Variants in TMEM132B observed in about 807,000 individuals in gnomAD.
TMEM132B encodes the protein transmembrane protein 132B.
Under a neutral mutation model 90.8 loss-of-function variants are expected in TMEM132B, and 18 were observed. That is an observed-to-expected ratio of 0.20 (90% CI 0.14 to 0.29). TMEM132B has a LOEUF of 0.29. Among genes scored for constraint, TMEM132B ranks in the 10% least tolerant of loss-of-function variants. The pLI is 1.00. For synonymous variants in TMEM132B, 504 were observed against 523.3 expected (o/e 0.96, Z 0.50); for missense variants, 1,096 against 1,326.8 (o/e 0.83, Z 2.70).
intron 1 of TMEM132B, among the ~76,000 whole-genome samples, chr12:125,258,092 T>C (rs1874481105): frequency 2.0e-5 from 3 of 152,226 alleles, no homozygotes; most frequent in Admixed American, 2.0e-4. Flanking sequence ...GTTCAGGAAA[T>C]ATTTACAGGG....
chr12:125,306,967 C>T (rs190993805), intron 1 of TMEM132B, among the ~76,000 whole-genome samples: 47 of 152,364 alleles, frequency 3.1e-4, no homozygotes, highest in African/African-American at 1.1e-3. Context: ...TGGGCATGCT[C>T]CTGCCACAGG....
Position 125,654,712 on chromosome 12 carries a change from C to T in TMEM132B, c.*2C>T. ...GAAAGTCTGCAAGACCAGATGTAAA[C>T]TCCTTTCTTATGTTTGTATTCACCT... is the stretch of plus-strand genomic sequence containing the variant. On this transcript the variant is annotated 3_prime_UTR_variant, in exon 9 of 9. Coordinates refer to ENST00000682704, the MANE Select transcript of TMEM132B (RefSeq NM_001366854.1). The surrounding 1 kb of genome is among the most constrained non-coding windows in gnomAD (Gnocchi z 5.8). 3.1e-6 allele frequency: 5 copies of T among 1,608,700 alleles called. No individual in the cohort carries two copies. The highest frequency in any genetic ancestry group is 4.2e-6 in the Non-Finnish European group (5 of 1,177,090).
intron 2 of TMEM132B, among the ~76,000 whole-genome samples, chr12:125,380,550 C>T (rs1878648752): frequency 6.6e-6 from 1 of 152,200 alleles, no homozygotes. Flanking sequence ...ATTCCAAGCA[C>T]GTCATTGGAG....
At chr12:125,343,708 A>G (rs559343180) in intron 1 of TMEM132B, among the ~76,000 whole-genome samples, 1 of 152,322 alleles carries the variant, frequency 6.6e-6, no homozygotes, top group South Asian at 2.1e-4. Context: ...ATGACTGGTA[A>G]ATATGCCTAG....
At chr12:125,188,598 G>A (rs574425905) in intron 1 of TMEM132B, among the ~76,000 whole-genome samples, 33 of 139,894 alleles carry the variant, frequency 2.4e-4, no homozygotes, top group African/African-American at 8.7e-4. Context: ...CCTGGCTCTG[G>A]AAGGCCCCAT....
In TMEM132B at chr12:125,460,617, C is replaced by T. The variant is rs1881412166; in HGVS notation, c.1106+44940C>T. 6.6e-6 allele frequency among the ~76,000 whole-genome samples: 1 copy of T among 152,248 alleles called. No individual in the cohort carries two copies. Among genetic ancestry groups the T allele is most frequent in the Admixed American group, 6.5e-5 (1 of 15,288 alleles). On this transcript the variant is annotated intron_variant, in intron 3 of 8. Transcript: ENST00000682704. The surrounding 1 kb of genome is among the most constrained non-coding windows in gnomAD (Gnocchi z 4.4). ...TTCACTCTTCAACAGTACTGCTCAA[C>T]CGTTTGAGTATCTGCGGCCTTTTCA... is the stretch of plus-strand genomic sequence containing the variant.
At chr12:125,298,879 GC>G (rs1437615893) in intron 1 of TMEM132B, among the ~76,000 whole-genome samples, 4 of 150,844 alleles carry the variant, frequency 2.7e-5, no homozygotes, top group Non-Finnish European at 5.9e-5. Flanking sequence ...GACTACAGGC[GC>G]CCGCCACCAC....
chr12:125,438,535 T>C (rs1880766859), intron 3 of TMEM132B, among the ~76,000 whole-genome samples: 1 of 152,238 alleles, frequency 6.6e-6, no homozygotes, highest in Admixed American at 6.5e-5. Context: ...TACTTAAAAC[T>C]GTAGAGGATA....
chr12:125,561,780 G>A (rs535722282), intron 4 of TMEM132B, among the ~76,000 whole-genome samples: 1 of 152,108 alleles, frequency 6.6e-6, no homozygotes, highest in Admixed American at 6.5e-5. Flanking sequence ...ATAAACAGAG[G>A]GGCTATCATC....
intron 4 of TMEM132B, among the ~76,000 whole-genome samples, chr12:125,560,273 C>T (rs1028763958): frequency 6.6e-6 from 1 of 152,152 alleles, no homozygotes; most frequent in Non-Finnish European, 1.5e-5. Flanking sequence ...ATGAAGTGGT[C>T]CTAGCGAGGT....
chr12:125,461,946 T>G (rs1005359880), intron 3 of TMEM132B, among the ~76,000 whole-genome samples: 3 of 152,228 alleles, frequency 2.0e-5, no homozygotes, highest in Admixed American at 6.5e-5. Context: ...TTCCCAATGA[T>G]TTCAGGAAAG....
rs1378510114 is a variant in TMEM132B at position 125,409,688 on chromosome 12, TGGA to T, written c.960-5838_960-5836del. 1.7e-4 allele frequency among the ~76,000 whole-genome samples: 6 copies of T among 34,392 alleles called. 1 individual carries two copies. Among genetic ancestry groups the T allele is most frequent in the Non-Finnish European group, 1.1e-4 (2 of 18,042 alleles). The allele number at this position is 34,392 out of a possible 152,430, so 22.6% of individuals were successfully genotyped here. A position where few individuals can be genotyped will look rare whatever the true frequency, so the allele number is the denominator to read the frequency against. On this transcript the variant is annotated intron_variant, in intron 2 of 8. Transcript: ENST00000682704. The stretch of plus-strand genomic sequence containing the variant: ...GTGAGTGGAGTGGAGTGGAGTGGAG[TGGA>T]GGAGTGGAGTGGAGTGGAGTGAGTG...
rs1403234187 is a variant in TMEM132B, at chr12:125,460,736, G to A, written c.1106+45059G>A. Among the ~76,000 whole-genome samples, 1 of 152,158 alleles carries A rather than the reference G, an allele frequency of 6.6e-6. No homozygotes were observed. The highest frequency in any genetic ancestry group is 1.5e-5 in the Non-Finnish European group (1 of 68,034). ...GTGTCATCAGCGTGTGTATGTCATT[G>A]GCAGCCACTTCTTTTGAGGACCCAC... On this transcript the variant is annotated intron_variant, in intron 3 of 8. Transcript: ENST00000682704. This position sits in a 1 kb window ranked among gnomAD's most constrained non-coding sequence, Gnocchi z 4.4.
chr12:125,537,319 G>T (rs1883831728), intron 4 of TMEM132B, among the ~76,000 whole-genome samples: 1 of 152,322 alleles, frequency 6.6e-6, no homozygotes, highest in Admixed American at 6.5e-5. Flanking sequence ...CACTGCAATA[G>T]GATAAATTTC....
In TMEM132B at chr12:125,637,517, A is replaced by G. The variant is rs139098619; in HGVS notation, c.1438-6559A>G. Among the ~76,000 whole-genome samples the G allele has an allele frequency of 2.6e-5, 4 of 152,334 alleles. No individual in the cohort carries two copies. The East Asian group carries it at 7.7e-4, about 29-fold the overall frequency. On this transcript the variant is annotated intron_variant, in intron 5 of 8. Coordinates refer to ENST00000682704, the MANE Select transcript of TMEM132B (RefSeq NM_001366854.1). ...TTTAGGGAGGCATGAGACATCAATC[A>G]ATATATGTAAGATGAACATTGGTTC...
chr12:125,393,141 CAGTT>C (rs1432858843), intron 2 of TMEM132B, among the ~76,000 whole-genome samples: 1 of 152,216 alleles, frequency 6.6e-6, no homozygotes, highest in Non-Finnish European at 1.5e-5. Context: ...CCTTTGATAT[CAGTT>C]TGTTGGTTTC....
intron 2 of TMEM132B, among the ~76,000 whole-genome samples, chr12:125,384,796 G>A (rs1408334590): frequency 6.6e-6 from 1 of 152,108 alleles, no homozygotes; most frequent in Non-Finnish European, 1.5e-5. Flanking sequence ...GATTACAGGA[G>A]CGTGCTACCA....
At chr12:125,613,290 C>T (rs1885907205) in intron 5 of TMEM132B, among the ~76,000 whole-genome samples, 1 of 144,090 alleles carries the variant, frequency 6.9e-6, no homozygotes, top group South Asian at 2.1e-4. Flanking sequence ...TATGGGCATA[C>T]ATGTGTAGTA....
rs549558396 is a variant in TMEM132B at position 125,266,145 on chromosome 12, C to T, written c.67+79279C>T. 8.5e-5 allele frequency among the ~76,000 whole-genome samples: 13 copies of T among 152,238 alleles called. No individual in the cohort carries two copies. In the South Asian group the frequency reaches 2.7e-3, roughly 32 times the overall value. Reference sequence around the variant, plus strand: ...TAGGGAGACTGAGGCAGGAGAATTACTCGAACCCTGGAGGTGGAGGTCTGG... The same window carrying T: ...TAGGGAGACTGAGGCAGGAGAATTATTCGAACCCTGGAGGTGGAGGTCTGG... On this transcript the variant is annotated intron_variant, in intron 1 of 8. Transcript: ENST00000682704.
Sources: allele counts gnomAD v4.1 joint callset (sites outside exome capture counted in the v4.1 genomes callset), GRCh38; gene constraint gnomAD v4.1.1; non-coding constraint Gnocchi (gnomAD v3.1); transcripts MANE v1.5; gene names NCBI Gene and HGNC (gene_info 2026-07-23, HGNC 2026-07-21).